Variants in ACIN1 observed in about 807,000 individuals in gnomAD.
ACIN1 encodes the protein apoptotic chromatin condensation inducer in the nucleus.
A neutral mutation model predicts 146.6 loss-of-function variants in ACIN1; 16 were observed. That is an observed-to-expected ratio of 0.11 (90% confidence interval 0.07 to 0.17). ACIN1 has a LOEUF of 0.17. Among genes scored for constraint, ACIN1 ranks in the 10% least tolerant of loss-of-function variants. The pLI is 1.00. For synonymous variants in ACIN1, 569 were observed against 582.7 expected (o/e 0.98, Z 0.34); for missense variants, 1,357 against 1,609.3 (o/e 0.84, Z 2.68).
At position 23,060,656 on chromosome 14, in the gene ACIN1, C is replaced by A. The variant is rs139748078; in HGVS notation, c.3525+428G>T. ...CCTCCCAAGTAGCTGGGATTACGGG[C>A]GCTTGCCACTGCACCCGGCTAATTT... On this transcript the variant is annotated intron_variant, in intron 18 of 18. Transcript: ENST00000605057. Among the ~76,000 whole-genome samples, 1,451 of 152,222 alleles carry A rather than the reference C, an allele frequency of 9.5e-3. 21 individuals carry two copies. Among genetic ancestry groups the A allele is most frequent in the African/African-American group, 0.033 (1,351 of 41,520 alleles).
chr14:23,090,064 A>T lies in ACIN1; in HGVS notation c.354T>A (p.Pro118=). The T allele has an allele frequency of 6.2e-7, 1 of 1,614,002 alleles. No homozygotes were observed. ...GAGGCAGCAGGGAAGCCACTCCCTC[A>T]GGATGGATCATCTCGTCCTCCGACT... ...SAESEDEMIH[P]EGVASLLPPD... Residue 118 remains proline (P), a synonymous_variant, in exon 4 of 19, where the codon CCT becomes CCA. Transcript: ENST00000605057.
intron 2 of ACIN1, among the ~76,000 whole-genome samples, chr14:23,092,448 A>T (rs562648898): frequency 6.6e-6 from 1 of 152,312 alleles, no homozygotes; most frequent in South Asian, 2.1e-4. Context: ...AAGCTGATTA[A>T]CTTATGCAGT....
intron 1 of ACIN1, 91 bp downstream of exon 1, chr14:23,094,884 C>A: frequency 6.7e-7 from 1 of 1,487,174 alleles, no homozygotes; most frequent in Non-Finnish European, 8.9e-7. Flanking sequence ...CGAGCTCGCG[C>A]CGAGCCCGGA....
intron 7 of ACIN1, 52 bp from the exon 8 acceptor site, chr14:23,078,318 T>C: frequency 6.5e-6 from 10 of 1,536,964 alleles, no homozygotes; most frequent in Non-Finnish European, 9.0e-6. Context: ...ATCTGCTTGG[T>C]TCCTTTTCTT....
chr14:23,082,598 C>T (rs1429157457), intron 4 of ACIN1, among the ~76,000 whole-genome samples: 1 of 152,118 alleles, frequency 6.6e-6, no homozygotes, highest in Non-Finnish European at 1.5e-5. Context: ...GTGCCCACCA[C>T]CATGCCTGGC....
intron 2 of ACIN1, 136 bp downstream of exon 2, chr14:23,093,343 G>A: frequency 5.7e-6 from 5 of 871,952 alleles, no homozygotes; most frequent in East Asian, 5.3e-5. Flanking sequence ...AACTGTCCTG[G>A]TTTGAGAACA....
chr14:23,091,881 CCCA>C (rs1469683333), intron 2 of ACIN1, among the ~76,000 whole-genome samples: 2 of 152,180 alleles, frequency 1.3e-5, no homozygotes, highest in African/African-American at 4.8e-5. Flanking sequence ...GCCTTGGCCT[CCCA>C]AAGTGCTAGC....
In ACIN1 at chr14:23,068,796, T is replaced by C; in HGVS notation, c.2265+680A>G. On this transcript the variant is annotated intron_variant, in intron 9 of 18. Transcript: ENST00000605057. The surrounding 1 kb of genome is among the most constrained non-coding windows in gnomAD (Gnocchi z 4.3). ...AAAAGGCTACACACACAACAGTCCC[T>C]CCCACCTTGTTACCCCTCTCCTAAA... 1.0e-6 allele frequency: 1 copy of C among 985,260 alleles called. No individual in the cohort carries two copies. Among genetic ancestry groups the C allele is most frequent in the Non-Finnish European group, 1.2e-6 (1 of 829,926 alleles). 61.0% of individuals were successfully genotyped at this position (985,260 alleles called of 1,614,324 possible).
Position 23,067,525 on chromosome 14 carries a change from G to C in ACIN1, c.2266-1517C>G. On this transcript the variant is annotated intron_variant, in intron 9 of 18. Coordinates refer to ENST00000605057, the MANE Select transcript of ACIN1 (RefSeq NM_001386863.1). The surrounding 1 kb of genome is among the most constrained non-coding windows in gnomAD (Gnocchi z 4.6). ...GGGGCGGGAGGGAAACGTGTGGGGG[G>C]ACGCTGCCCAGTTTCCATGATGTCA... 1 of 985,712 alleles carries C rather than the reference G, an allele frequency of 1.0e-6. No homozygotes were observed. The highest frequency in any genetic ancestry group is 1.2e-6 in the Non-Finnish European group (1 of 830,126). 61.1% of individuals were successfully genotyped at this position (985,712 alleles called of 1,614,324 possible). A position where few individuals can be genotyped will look rare whatever the true frequency, so the allele number is the denominator to read the frequency against.
At chr14:23,070,985 A>T (rs2047626914) in intron 8 of ACIN1, 2 of 933,042 alleles carry the variant, frequency 2.1e-6, no homozygotes, top group African/African-American at 3.4e-5. Flanking sequence ...GAAACTGGGC[A>T]GGCAGGACAA....
At chr14:23,093,244 C>T (rs998255275) in intron 2 of ACIN1, among the ~76,000 whole-genome samples, 2 of 152,226 alleles carry the variant, frequency 1.3e-5, no homozygotes, top group African/African-American at 4.8e-5. Flanking sequence ...CCTTTCTACA[C>T]ATGCCATTTC....
intron 10 of ACIN1, 167 bp from the exon 11 acceptor site, chr14:23,064,655 T>C (rs1320790658): frequency 2.1e-6 from 2 of 943,088 alleles, no homozygotes; most frequent in East Asian, 2.6e-5. Context: ...TCCCAGCACT[T>C]TGGGAGGCCA....
In ACIN1 at chr14:23,068,114, C is replaced by G. The variant is rs1425140748; in HGVS notation, c.2265+1362G>C. 4.1e-6 allele frequency: 4 copies of G among 985,740 alleles called. No homozygotes were observed. In the Admixed American group the frequency reaches 2.5e-4, roughly 61 times the overall value. The allele number at this position is 985,740 out of a possible 1,614,324, so 61.1% of individuals were successfully genotyped here. ...TGATGAGCAAGTGGTGACACATGGG[C>G]TGGGCTGTCATCAGCATTAAATCCC... On this transcript the variant is annotated intron_variant, in intron 9 of 18. Transcript: ENST00000605057. This position sits in a 1 kb window ranked among gnomAD's most constrained non-coding sequence, Gnocchi z 4.3.
chr14:23,073,149 T>C (rs1271543147), intron 8 of ACIN1, among the ~76,000 whole-genome samples: 43 of 152,254 alleles, frequency 2.8e-4, no homozygotes, highest in Non-Finnish European at 5.9e-5. Context: ...CATTCAGTGA[T>C]TGGCATGACA....
chr14:23,071,598 G>A, intron 8 of ACIN1: 1 of 1,526,840 alleles, frequency 6.5e-7, no homozygotes, highest in Non-Finnish European at 8.8e-7. Flanking sequence ...ATGGGGGAGG[G>A]CCTTGCTGCA....
chr14:23,090,778 G>A, intron 2 of ACIN1, 145 bp from the exon 3 acceptor site: 1 of 581,494 alleles, frequency 1.7e-6, no homozygotes, highest in Non-Finnish European at 3.0e-6. Flanking sequence ...TTCTAAGTTA[G>A]TTCTATATTG....
chr14:23,063,367 G>A, intron 13 of ACIN1, 69 bp downstream of exon 13: 1 of 1,549,134 alleles, frequency 6.5e-7, no homozygotes. Context: ...AAAGCTTTCA[G>A]CGATCCAAAT....
At chr14:23,094,940 T>A in intron 1 of ACIN1, 35 bp downstream of exon 1, 1 of 1,554,378 alleles carries the variant, frequency 6.4e-7, no homozygotes, top group South Asian at 1.2e-5. Context: ...CCGGGTCCGC[T>A]CTCCTCCGAC....
Position 23,089,987 on chromosome 14 carries a change from G to A in ACIN1, c.431C>T (p.Ser144Leu), listed in dbSNP as rs768644124. Residue 144 changes from serine (S) to leucine (L), a missense_variant, in exon 4 of 19, where the codon TCG becomes TTG. This residue lies in a region of ACIN1 where 771 missense variants were observed against 746.6 expected (regional missense o/e 1.03). Coordinates refer to ENST00000605057, the MANE Select transcript of ACIN1 (RefSeq NM_001386863.1). ...GTGGGGAGGGAGATACGTACTGGGCGAATGTCTGCTGAGCTCCAGCTCTGG... is the reference window on the plus strand; with the variant it reads ...GTGGGGAGGGAGATACGTACTGGGCAAATGTCTGCTGAGCTCCAGCTCTGG... ...ERPELELSRHSPRKSSSISEE... is the reference protein window; with the variant it reads ...ERPELELSRHLPRKSSSISEE... 30 of 1,611,110 alleles carry A rather than the reference G, an allele frequency of 1.9e-5. No homozygotes were observed. Among genetic ancestry groups the A allele is most frequent in the Non-Finnish European group, 2.3e-5 (27 of 1,178,682 alleles).
Sources: gnomAD v4.1 joint callset for allele counts (sites outside exome capture counted in the v4.1 genomes callset) on GRCh38, gnomAD v4.1.1 for gene constraint, gnomAD v4.1.1 regional missense constraint, Gnocchi (gnomAD v3.1) non-coding constraint, MANE v1.5 for transcripts, NCBI Gene and HGNC (gene_info 2026-07-23, HGNC 2026-07-21) for gene names.